MAGED1: variants seen among roughly 807,000 people sequenced by gnomAD.
The protein encoded by MAGED1 is MAGE family member D1, also known as melanoma-associated antigen D1.
A neutral mutation model predicts 54.1 loss-of-function variants in MAGED1; 3 were observed. That is an observed-to-expected ratio of 0.06 (90% CI 0.03 to 0.14). The LOEUF is 0.14. Among genes scored for constraint, MAGED1 ranks in the 10% least tolerant of loss-of-function variants. The pLI is 1.00. For missense variants in MAGED1, 485 were observed against 623.4 expected, an observed-to-expected ratio of 0.78 and a Z score of 2.36; for synonymous variants, 217 against 227.3, an observed-to-expected ratio of 0.95 and a Z score of 0.41.
At chrX:51,822,493 GCTCT>G (rs1399914746) in intron 1 of MAGED1, among the ~76,000 whole-genome samples, 2 of 109,685 alleles carry the variant, frequency 1.8e-5, no homozygotes, top group Non-Finnish European at 3.8e-5. Context: ...TTCATTGATG[GCTCT>G]CTATTATTTT....
chrX:51,894,546 G>C (rs1928612489), intron 2 of MAGED1, 197 bp downstream of exon 2: 2 of 927,077 alleles, frequency 2.2e-6, no homozygotes, highest in Non-Finnish European at 3.0e-6. Flanking sequence ...TGCTCAGAGA[G>C]AGGGGAGACC....
intron 1 of MAGED1, among the ~76,000 whole-genome samples, chrX:51,815,964 T>A (rs1306106917): frequency 8.9e-6 from 1 of 112,135 alleles, no homozygotes; most frequent in Admixed American, 9.4e-5. Flanking sequence ...GATTTTAGTG[T>A]AGCCTAAGTG....
intron 1 of MAGED1, among the ~76,000 whole-genome samples, chrX:51,806,990 T>C (rs782501565): frequency 5.2e-4 from 58 of 110,770 alleles, no homozygotes; most frequent in African/African-American, 1.8e-3. Flanking sequence ...GGTTTCACCA[T>C]GTTGGCCAGG....
upstream of MAGED1, among the ~76,000 whole-genome samples, chrX:51,890,873 A>G (rs1557363419): frequency 1.8e-5 from 2 of 109,168 alleles, no homozygotes; most frequent in East Asian, 5.7e-4. Context: ...AGAGTATGTC[A>G]GTCTTACTCC....
At chrX:51,873,474 G>GA (rs782587824) in intron 1 of MAGED1, among the ~76,000 whole-genome samples, 67 of 108,191 alleles carry the variant, frequency 6.2e-4, no homozygotes, top group African/African-American at 2.3e-3. Flanking sequence ...TCATGATCAT[G>GA]AGTCAGAGAG....
chrX:51,804,553 A>G (rs1557354854), intron 1 of MAGED1, among the ~76,000 whole-genome samples: 1 of 111,642 alleles, frequency 9.0e-6, no homozygotes, highest in East Asian at 2.8e-4. Context: ...TTTATTTGCC[A>G]GACAGTGTTC....
At chrX:51,839,075 AC>A (rs1180397176) in intron 1 of MAGED1, among the ~76,000 whole-genome samples, 3 of 111,355 alleles carry the variant, frequency 2.7e-5, no homozygotes. Flanking sequence ...AAAAAATCAA[AC>A]CTCTTCCACT....
At chrX:51,879,726 C>G (rs1167634266) in intron 1 of MAGED1, among the ~76,000 whole-genome samples, 1 of 111,651 alleles carries the variant, frequency 9.0e-6, no homozygotes, top group Non-Finnish European at 1.9e-5. Flanking sequence ...TTTGCCTATC[C>G]ATCAAGATTT....
intron 11 of MAGED1, among the ~76,000 whole-genome samples, chrX:51,901,305 A>G (rs1929011832): frequency 8.9e-6 from 1 of 111,921 alleles, no homozygotes; most frequent in Non-Finnish European, 1.9e-5. Context: ...GATTCCATGT[A>G]TAAGTGAGGT....
chrX:51,874,700 T>C (rs1236684329), intron 1 of MAGED1, among the ~76,000 whole-genome samples: 2 of 110,995 alleles, frequency 1.8e-5, no homozygotes, highest in Admixed American at 9.6e-5. Flanking sequence ...GAAATAGTTA[T>C]AATGGCTTTT....
At chrX:51,865,534 C>T (rs1188628020) in intron 1 of MAGED1, among the ~76,000 whole-genome samples, 1 of 111,313 alleles carries the variant, frequency 9.0e-6, no homozygotes, top group Non-Finnish European at 1.9e-5. Context: ...TTTAACTCCC[C>T]ATCCATCTCC....
chrX:51,894,101 T>C (rs1928579636), intron 1 of MAGED1, among the ~76,000 whole-genome samples, 168 bp from the exon 2 acceptor site: 1 of 110,602 alleles, frequency 9.0e-6, no homozygotes, highest in Admixed American at 9.6e-5. Flanking sequence ...CAGTAGCTTC[T>C]CGGGGTTCAG....
rs1928771262 is a variant in MAGED1, at chrX:51,896,784, C to T, written c.1129C>T (p.Pro377Ser). The T allele has an allele frequency of 8.3e-7, 1 of 1,208,859 alleles. No homozygotes were observed. Among genetic ancestry groups the T allele is most frequent in the Admixed American group, 2.2e-5 (1 of 45,776 alleles). ...VWPNPLAWQN[P>S]PGWQTPPGWQ... The stretch of plus-strand genomic sequence containing the variant: ...GCCGAATCCACTGGCCTGGCAGAAT[C>T]CACCTGGATGGCAGACTCCACCTGG... Residue 377 changes from proline (P) to serine (S), a missense_variant, in exon 4 of 13, where the codon CCA becomes TCA. Physicochemically the swap from Pro to Ser is moderately conservative, Grantham distance 74. Coordinates refer to ENST00000326587, the MANE Select transcript of MAGED1 (RefSeq NM_006986.4).
At chrX:51,803,101 C>G (rs1468969223) in exon 1 of MAGED1, 1 of 111,554 alleles carries the variant, frequency 9.0e-6, no homozygotes, top group African/African-American at 3.3e-5. Flanking sequence ...GCCATCGTTG[C>G]TGCCTTCTTC....
Position 51,897,639 on chromosome X carries a change from C to A in MAGED1, c.1566+13C>A. 8.4e-7 allele frequency: 1 copy of A among 1,186,445 alleles called. No homozygotes were observed. Among genetic ancestry groups the A allele is most frequent in the Non-Finnish European group, 1.1e-6 (1 of 873,406 alleles). On this transcript the variant is annotated intron_variant, in intron 6 of 12. Transcript: ENST00000326587. ...TGTCCTAGAGAAGGTGAGAAGGCAG[C>A]CCTGGGGTACAGGAATAATGGGGAA...
At chrX:51,826,028 T>C (rs1925841116) in intron 1 of MAGED1, among the ~76,000 whole-genome samples, 4 of 112,563 alleles carry the variant, frequency 3.6e-5, no homozygotes, top group African/African-American at 1.3e-4. Context: ...TTGATGCCAC[T>C]GCTAAACAGC....
At chrX:51,813,072 G>A (rs1217911630) in intron 1 of MAGED1, among the ~76,000 whole-genome samples, 1 of 97,688 alleles carries the variant, frequency 1.0e-5, no homozygotes, top group Admixed American at 1.2e-4. Context: ...TGCCCAGGCT[G>A]GAGTGCAATG....
intron 2 of MAGED1, chrX:51,894,758 C>T (rs1290044906): frequency 2.6e-6 from 3 of 1,150,345 alleles, no homozygotes; most frequent in Non-Finnish European, 3.4e-6. Context: ...CCGTCCTGAG[C>T]TGCTACTGCA....
intron 1 of MAGED1, among the ~76,000 whole-genome samples, chrX:51,803,656 T>C (rs1394400652): frequency 1.9e-5 from 2 of 105,473 alleles, no homozygotes; most frequent in Non-Finnish European, 3.9e-5. Context: ...TTGGTTCTTT[T>C]AAAGTATAAG....
Sources: gnomAD v4.1 joint callset for allele counts (sites outside exome capture counted in the v4.1 genomes callset) on GRCh38, gnomAD v4.1.1 for gene constraint, MANE v1.5 for transcripts, NCBI Gene and HGNC (gene_info 2026-07-23, HGNC 2026-07-21) for gene names.